RPS20: variants seen among roughly 807,000 people sequenced by gnomAD.
RPS20 encodes small ribosomal subunit protein uS10.
RPS20 carries 3 observed loss-of-function variants against 15.3 expected under a neutral mutation model. That is an observed-to-expected ratio of 0.20 (90% CI 0.09 to 0.51). The LOEUF is 0.51. Among genes scored for constraint, RPS20 ranks in the 20% least tolerant of loss-of-function variants. RPS20 has a pLI of 0.96. For synonymous variants in RPS20, 62 were observed against 47.8 expected, an observed-to-expected ratio of 1.30 and a Z score of -1.23; for missense variants, 67 against 145.9, an observed-to-expected ratio of 0.46 and a Z score of 2.79.
At chr8:56,069,766 A>G, downstream of RPS20, 1 of 1,551,616 alleles carries the variant, frequency 6.4e-7, no homozygotes, top group Non-Finnish European at 8.7e-7. Flanking sequence ...CGGGGATTCG[A>G]ATACACTTCT....
chr8:56,073,162 C>T lies in RPS20; in HGVS notation c.288G>A (p.Glu96=), dbSNP rs1478408593. 4 of 1,599,180 alleles carry T rather than the reference C, an allele frequency of 2.5e-6. No individual in the cohort carries two copies. The Admixed American group carries it at 6.7e-5, about 27-fold the overall frequency. ...TGATGGAAGTAATCTGCTTAACAAT[C>T]TCAGAAGGACTGTGCAAGTCAATGA... The part of the protein sequence containing the change: ...KRLIDLHSPS[E]IVKQITSISI... Residue 96 remains glutamate (E), a synonymous_variant, in exon 4 of 4, where the codon GAG becomes GAA. Coordinates refer to ENST00000009589, the MANE Select transcript of RPS20 (RefSeq NM_001023.4).
chr8:56,069,781 G>A (rs1296758997), downstream of RPS20: 2 of 1,551,188 alleles, frequency 1.3e-6, no homozygotes, highest in Non-Finnish European at 1.7e-6. Context: ...ACTTCTCAAA[G>A]TGTACTGCTG....
At chr8:56,069,296 G>A (rs1356665355), downstream of RPS20, among the ~76,000 whole-genome samples, 2 of 151,902 alleles carry the variant, frequency 1.3e-5, no homozygotes, top group South Asian at 4.2e-4. Flanking sequence ...AGACTGGAGT[G>A]CAGTGGACTC....
At chr8:56,073,407 G>A in intron 3 of RPS20, 135 bp from the exon 4 acceptor site, 3 of 694,380 alleles carry the variant, frequency 4.3e-6, no homozygotes, top group African/African-American at 3.6e-5. Flanking sequence ...TAGATTTTCA[G>A]GTACCATGGG....
At chr8:56,073,413 A>AGAACCTTCACCACAAGGAGTTTT in intron 3 of RPS20, 141 bp from the exon 4 acceptor site, 1 of 687,452 alleles carries the variant, frequency 1.5e-6, no homozygotes, top group Non-Finnish European at 2.5e-6. Flanking sequence ...TTCAGGTACC[A>AGAACCTTCACCACAAGGAGTTTT]TGGGTTGAAA....
chr8:56,072,243 T>G (rs755145689), downstream of RPS20, among the ~76,000 whole-genome samples: 4 of 151,224 alleles, frequency 2.6e-5, no homozygotes, highest in Non-Finnish European at 4.4e-5. Context: ...AATATAAGTA[T>G]TTTTAAAAAA....
Position 56,074,413 on chromosome 8 carries a change from T to G in RPS20, c.-30A>C. ...GTTGCGCGCGGGCTTCCTGACCGAC[T>G]TGTTCCTCGGCGAGAGCGAACAGCG... On this transcript the variant is annotated 5_prime_UTR_variant, in exon 1 of 4. Transcript: ENST00000009589. 2.6e-6 allele frequency: 4 copies of G among 1,554,264 alleles called. No homozygotes were observed. The highest frequency in any genetic ancestry group is 3.5e-6 in the Non-Finnish European group (4 of 1,155,822).
At chr8:56,074,035 C>T in intron 2 of RPS20, 25 bp downstream of exon 2, 4 of 1,569,102 alleles carry the variant, frequency 2.5e-6, no homozygotes, top group South Asian at 2.2e-5. Flanking sequence ...ATTCCCCCTC[C>T]CCCCCGCATA....
At chr8:56,073,304 T>A (rs781530727) in intron 3 of RPS20, 32 bp from the exon 4 acceptor site, 1 of 1,343,160 alleles carries the variant, frequency 7.4e-7, no homozygotes, top group Non-Finnish European at 1.1e-6. Flanking sequence ...ACCAAGTGTT[T>A]ATCGTTTTAT....
chr8:56,068,805 ATCTTTTTT>A (rs1809678147), downstream of RPS20, among the ~76,000 whole-genome samples: 2 of 41,526 alleles, frequency 4.8e-5, no homozygotes, highest in Non-Finnish European at 1.0e-4. Flanking sequence ...TGGTGAAAAT[ATCTTTTTT>A]TTTTTTTTTT....
chr8:56,069,249 A>AT (rs141681946), downstream of RPS20, among the ~76,000 whole-genome samples: 1 of 151,742 alleles, frequency 6.6e-6, no homozygotes, highest in African/African-American at 2.4e-5. Context: ...TTTTTCCTTT[A>AT]TTATTTTTTT....
downstream of RPS20, chr8:56,072,970 T>C: frequency 2.8e-6 from 4 of 1,453,608 alleles, no homozygotes; most frequent in Non-Finnish European, 3.6e-6. Flanking sequence ...GATACCCATA[T>C]ATTCCACCTG....
downstream of RPS20, among the ~76,000 whole-genome samples, chr8:56,072,520 C>A (rs1449829293): frequency 1.3e-5 from 2 of 151,032 alleles, no homozygotes; most frequent in Non-Finnish European, 2.9e-5. Flanking sequence ...CCACTGCACT[C>A]CAGCCTGGGC....
chr8:56,070,957 T>C (rs781735574), downstream of RPS20, among the ~76,000 whole-genome samples: 17 of 152,226 alleles, frequency 1.1e-4, no homozygotes, highest in Non-Finnish European at 1.8e-4. Context: ...ATTACCACTA[T>C]TTAATCTATC....
At chr8:56,070,186 T>A (rs1237893605), downstream of RPS20, among the ~76,000 whole-genome samples, 1 of 152,174 alleles carries the variant, frequency 6.6e-6, no homozygotes. Context: ...AACAAGTTAG[T>A]CTTGGTTTCT....
rs1804373 is a variant in RPS20 at position 56,074,449 on chromosome 8, A to G, written c.-66T>C. 12 of 1,529,854 alleles carry G rather than the reference A, an allele frequency of 7.8e-6. No homozygotes were observed. Among genetic ancestry groups the G allele is most frequent in the Non-Finnish European group, 8.8e-6 (10 of 1,142,826 alleles). The allele number at this position is 1,529,854 out of a possible 1,614,324, so 94.8% of individuals were successfully genotyped here. On this transcript the variant is annotated 5_prime_UTR_variant, in exon 1 of 4. Coordinates refer to ENST00000009589, the MANE Select transcript of RPS20 (RefSeq NM_001023.4). ...CGAGAGCGAACAGCGGTGAGTCAGG[A>G]GCAGGAGCGTGCGGACCAAAAATCC...
At chr8:56,069,797 C>T (rs1809703187), downstream of RPS20, 29 of 1,549,508 alleles carry the variant, frequency 1.9e-5, no homozygotes, top group Non-Finnish European at 2.4e-5. Flanking sequence ...TGCTGGCCCT[C>T]TGTATCCATG....
rs1367336473 is a variant in RPS20, at chr8:56,073,547, C to T, written c.177+148G>A. On this transcript the variant is annotated intron_variant, in intron 3 of 3. Transcript: ENST00000009589. ...ATCATATCTAAACATTAGCTACTTACTAGGAACCGCAATCTACCACCGATT... is the reference window on the plus strand; with the variant it reads ...ATCATATCTAAACATTAGCTACTTATTAGGAACCGCAATCTACCACCGATT... 6 of 716,762 alleles carry T rather than the reference C, an allele frequency of 8.4e-6. No homozygotes were observed. The East Asian group carries it at 1.5e-4, about 18-fold the overall frequency. The allele number at this position is 716,762 out of a possible 1,614,324, so 44.4% of individuals were successfully genotyped here.
downstream of RPS20, among the ~76,000 whole-genome samples, chr8:56,068,933 G>C (rs2129212167): frequency 6.9e-6 from 1 of 144,714 alleles, no homozygotes; most frequent in East Asian, 2.1e-4. Context: ...CAAGTGGCTG[G>C]GACCACAGGC....
Sources: gnomAD v4.1 joint callset for allele counts (sites outside exome capture counted in the v4.1 genomes callset) on GRCh38, gnomAD v4.1.1 for gene constraint, MANE v1.5 for transcripts, NCBI Gene and HGNC (gene_info 2026-07-23, HGNC 2026-07-21) for gene names.